Variants in RIPK2 observed in about 807,000 individuals in gnomAD.
RIPK2 encodes the protein receptor-interacting serine/threonine-protein kinase 2.
A neutral mutation model predicts 60.9 loss-of-function variants in RIPK2; 38 were observed. That is an observed-to-expected ratio of 0.62 (90% CI 0.48 to 0.82). The LOEUF is 0.82. Ranked by LOEUF, RIPK2 falls within the 40% of genes least tolerant of loss-of-function variation. The probability of loss-of-function intolerance (pLI) is 0.00; values close to 1 mark genes in which losing one functional copy is unlikely to be tolerated. For missense variants in RIPK2, 518 were observed against 647.0 expected, an observed-to-expected ratio of 0.80 and a Z score of 2.16; for synonymous variants, 225 against 223.4, an observed-to-expected ratio of 1.01 and a Z score of -0.06.
At chr8:89,789,047 A>C (rs1386370812) in intron 9 of RIPK2, among the ~76,000 whole-genome samples, 2 of 152,172 alleles carry the variant, frequency 1.3e-5, no homozygotes, top group African/African-American at 4.8e-5. Flanking sequence ...ACACAGGAAA[A>C]ATATGGGACT....
chr8:89,787,882 T>C (rs764700865), intron 9 of RIPK2, among the ~76,000 whole-genome samples: 1 of 151,980 alleles, frequency 6.6e-6, no homozygotes, highest in Non-Finnish European at 1.5e-5. Flanking sequence ...TAAGAACCGA[T>C]ACAGAATGAA....
intron 2 of RIPK2, among the ~76,000 whole-genome samples, chr8:89,764,838 G>A (rs1305180947): frequency 1.3e-5 from 2 of 152,024 alleles, no homozygotes; most frequent in Non-Finnish European, 2.9e-5. Context: ...ATCATAATTT[G>A]TAACTGATGC....
In RIPK2 at chr8:89,757,905, G is replaced by A. The variant is rs892059194; in HGVS notation, c.-156G>A. ...CAGCGGCTGGCGTGGGCCATCCGGG[G>A]AATGGGCGCCCTCGTGACCTAGTGT... is the stretch of plus-strand genomic sequence containing the variant. On this transcript the variant is annotated 5_prime_UTR_variant, in exon 1 of 11. Transcript: ENST00000220751. 3 of 1,384,028 alleles carry A rather than the reference G, an allele frequency of 2.2e-6. No individual in the cohort carries two copies. Among genetic ancestry groups the A allele is most frequent in the Admixed American group, 3.2e-5 (1 of 30,910 alleles). The allele number at this position is 1,384,028 out of a possible 1,614,324, so 85.7% of individuals were successfully genotyped here.
At position 89,765,695 on chromosome 8, in the gene RIPK2, A is replaced by T. The variant is rs145861341; in HGVS notation, c.483+199A>T. 2.7e-3 allele frequency among the ~76,000 whole-genome samples: 408 copies of T among 151,910 alleles called. 1 individual carries two copies. Among genetic ancestry groups the T allele is most frequent in the Non-Finnish European group, 4.8e-3 (323 of 67,814 alleles). On this transcript the variant is annotated intron_variant, in intron 3 of 10. Coordinates refer to ENST00000220751, the MANE Select transcript of RIPK2 (RefSeq NM_003821.6). The stretch of plus-strand genomic sequence containing the variant: ...GTTAGGAAGTTATTCCTAGACAGAG[A>T]TAGAATTATGGTACAAAATACAAAG...
intron 3 of RIPK2, among the ~76,000 whole-genome samples, chr8:89,767,008 G>A (rs1313780761): frequency 6.6e-6 from 1 of 151,734 alleles, no homozygotes; most frequent in Non-Finnish European, 1.5e-5. Context: ...TAATTTTGAT[G>A]AAGTCCATAT....
intron 6 of RIPK2, among the ~76,000 whole-genome samples, chr8:89,774,515 A>G (rs1273190948): frequency 1.3e-5 from 2 of 152,334 alleles, no homozygotes; most frequent in East Asian, 3.9e-4. Flanking sequence ...TAAATTTACC[A>G]TACAACCAAG....
Position 89,771,737 on chromosome 8 carries a change from A to G in RIPK2, c.642-4A>G. 2 of 1,593,166 alleles carry G rather than the reference A, an allele frequency of 1.3e-6. No individual in the cohort carries two copies. Among genetic ancestry groups the G allele is most frequent in the Non-Finnish European group, 1.7e-6 (2 of 1,165,992 alleles). ...TGTAACATGTATGTTCTTATGTTAA[A>G]CAGCTATGCAGTTATCACATGGGAA... On this transcript the variant is annotated splice_region_variant and splice_polypyrimidine_tract_variant and intron_variant, in intron 4 of 10. Coordinates refer to ENST00000220751, the MANE Select transcript of RIPK2 (RefSeq NM_003821.6).
Position 89,790,346 on chromosome 8 carries a change from A to C in RIPK2, c.1553A>C (p.Gln518Pro). Residue 518 changes from glutamine (Q) to proline (P), a missense_variant, in exon 11 of 11, where the codon CAG becomes CCG. Physicochemically the swap from Gln to Pro is moderately conservative, Grantham distance 76. This residue lies in a region of RIPK2 where 41 missense variants were observed against 43.7 expected (regional missense o/e 0.94). Transcript: ENST00000220751. ...KLKDNKQMGL[Q>P]PYPEILVVSR... is the part of the protein sequence containing the mutation. ...AAAGATAACAAACAAATGGGTCTTC[A>C]GCCTTACCCGGAAATACTTGTGGTT... 6.2e-7 allele frequency: 1 copy of C among 1,613,692 alleles called. No individual in the cohort carries two copies. The highest frequency in any genetic ancestry group is 8.5e-7 in the Non-Finnish European group (1 of 1,179,840).
At chr8:89,771,256 A>G (rs1310335896) in intron 4 of RIPK2, among the ~76,000 whole-genome samples, 1 of 151,832 alleles carries the variant, frequency 6.6e-6, no homozygotes, top group Non-Finnish European at 1.5e-5. Context: ...CTTATATCCT[A>G]TTTAACCATT....
At chr8:89,771,705 T>C (rs763854174) in intron 4 of RIPK2, 36 bp from the exon 5 acceptor site, 11 of 1,459,930 alleles carry the variant, frequency 7.5e-6, no homozygotes, top group East Asian at 2.3e-5. Flanking sequence ...AGAGTTCATT[T>C]AAAATATGTA....
In RIPK2 at chr8:89,790,695, G is replaced by T; in HGVS notation, c.*279G>T. Reference sequence around the variant, plus strand: ...TGTTTATAACAGTGCCTTAAGGTATGATGTATTTCTGATGGAAGCCATTTT... The same window carrying T: ...TGTTTATAACAGTGCCTTAAGGTATTATGTATTTCTGATGGAAGCCATTTT... On this transcript the variant is annotated 3_prime_UTR_variant, in exon 11 of 11. Coordinates refer to ENST00000220751, the MANE Select transcript of RIPK2 (RefSeq NM_003821.6). 1 of 261,204 alleles carries T rather than the reference G, an allele frequency of 3.8e-6. No homozygotes were observed. Among genetic ancestry groups the T allele is most frequent in the African/African-American group, 2.2e-5 (1 of 44,636 alleles). 16.2% of individuals were successfully genotyped at this position (261,204 alleles called of 1,614,324 possible).
chr8:89,770,028 C>T (rs539424985), intron 4 of RIPK2, 99 bp downstream of exon 4: 133 of 946,744 alleles, frequency 1.4e-4, no homozygotes, highest in Admixed American at 2.0e-4. Context: ...GATTTTTATT[C>T]TTCTCTCATA....
chr8:89,762,432 A>G (rs1006616044), intron 1 of RIPK2, among the ~76,000 whole-genome samples: 28 of 152,304 alleles, frequency 1.8e-4, no homozygotes, highest in Middle Eastern at 3.4e-3. Flanking sequence ...AAAATTTAAT[A>G]TAATATTCTA....
At chr8:89,777,362 T>G (rs1419467325) in intron 6 of RIPK2, among the ~76,000 whole-genome samples, 4 of 152,192 alleles carry the variant, frequency 2.6e-5, no homozygotes, top group Non-Finnish European at 5.9e-5. Flanking sequence ...TATATACCCT[T>G]CCTCATGGCT....
intron 3 of RIPK2, among the ~76,000 whole-genome samples, chr8:89,767,241 G>C (rs1356340147): frequency 1.3e-5 from 2 of 151,692 alleles, no homozygotes; most frequent in African/African-American, 4.8e-5. Context: ...ATCTAACTGA[G>C]TGTAAATAAA....
At chr8:89,787,422 C>G (rs1186236382) in intron 9 of RIPK2, among the ~76,000 whole-genome samples, 3 of 152,078 alleles carry the variant, frequency 2.0e-5, no homozygotes, top group African/African-American at 7.2e-5. Context: ...TAGTAGCTGG[C>G]ACATCTAAGA....
At chr8:89,768,603 T>C (rs1809265764) in intron 3 of RIPK2, among the ~76,000 whole-genome samples, 1 of 151,764 alleles carries the variant, frequency 6.6e-6, no homozygotes, top group Admixed American at 6.6e-5. Flanking sequence ...TTTCTGAAAG[T>C]CTTTGCTTAA....
intron 9 of RIPK2, among the ~76,000 whole-genome samples, chr8:89,788,088 TC>T (rs2130590667): frequency 6.6e-6 from 1 of 152,300 alleles, no homozygotes; most frequent in South Asian, 2.1e-4. Flanking sequence ...ACACCTGTAA[TC>T]CCAGCATTTT....
chr8:89,786,597 CAT>C lies in RIPK2; in HGVS notation c.1035_1036del (p.Cys346TrpfsTer7). On this transcript the variant is annotated frameshift_variant, in exon 9 of 11. Coordinates refer to ENST00000220751, the MANE Select transcript of RIPK2 (RefSeq NM_003821.6). LOFTEE classifies it high-confidence loss of function. ...TTTATTTTTTATTTACTTTAGGAAT[CAT>C]GTGGATCCTCTCAGCTCCATGAAAA... 1 of 1,544,768 alleles carries C rather than the reference CAT, an allele frequency of 6.5e-7. No homozygotes were observed. Among genetic ancestry groups the C allele is most frequent in the Non-Finnish European group, 8.9e-7 (1 of 1,123,874 alleles).
Sources: allele counts gnomAD v4.1 joint callset (sites outside exome capture counted in the v4.1 genomes callset), GRCh38; gene constraint gnomAD v4.1.1; regional missense constraint gnomAD v4.1.1; transcripts MANE v1.5; gene names NCBI Gene and HGNC (gene_info 2026-07-23, HGNC 2026-07-21).